The following FAM13C variants were observed in gnomAD, a reference collection of about 807,000 sequenced individuals.
The protein encoded by FAM13C is family with sequence similarity 13 member C.
FAM13C carries 37 observed loss-of-function variants against 73.2 expected under a neutral mutation model. The observed-to-expected ratio is 0.51, with a 90% CI of 0.39 to 0.67. The LOEUF is 0.67. Ranked by LOEUF, FAM13C falls within the 30% of genes least tolerant of loss-of-function variation. The pLI is 0.00. For missense variants in FAM13C, 589 were observed against 715.6 expected (o/e 0.82, Z 2.02); for synonymous variants, 246 against 260.9 (o/e 0.94, Z 0.55).
chr10:59,259,098 A>G (rs532056836), intron 10 of FAM13C, among the ~76,000 whole-genome samples: 12 of 152,316 alleles, frequency 7.9e-5, no homozygotes, highest in African/African-American at 2.9e-4. Context: ...TGATTAATTA[A>G]TTTCCAGTGT....
intron 3 of FAM13C, 120 bp downstream of exon 3, chr10:59,352,150 A>G: frequency 8.9e-7 from 1 of 1,123,222 alleles, no homozygotes; most frequent in Non-Finnish European, 1.3e-6. Context: ...AGAGCACGCA[A>G]TGACAAGTCG....
intron 10 of FAM13C, among the ~76,000 whole-genome samples, chr10:59,259,147 A>C (rs1343071956): frequency 6.6e-6 from 1 of 152,202 alleles, no homozygotes; most frequent in African/African-American, 2.4e-5. Context: ...TTATCTCCAA[A>C]AATCATCCAT....
Position 59,262,534 on chromosome 10 carries a change from G to T in FAM13C, c.1136C>A (p.Ala379Glu), listed in dbSNP as rs200879419. Reference sequence around the variant, plus strand: ...TCCAGAGGAGCTTGGCTCCGGGCCCGCAGCTTCCGGTTTCCCATTTTCTCT... The same window carrying T: ...TCCAGAGGAGCTTGGCTCCGGGCCCTCAGCTTCCGGTTTCCCATTTTCTCT... ...VPRENGKPEA[A>E]GPEPSSSGEE... Residue 379 changes from alanine to glutamate, a missense_variant, in exon 10 of 14, where the codon GCG becomes GAG. By Grantham distance (107) the Ala-to-Glu change is moderately radical. Transcript: ENST00000618804. The T allele has an allele frequency of 1.2e-6, 2 of 1,613,668 alleles. No individual in the cohort carries two copies. The highest frequency in any genetic ancestry group is 1.7e-6 in the Non-Finnish European group (2 of 1,179,792).
chr10:59,321,222 T>A (rs1850203040), intron 4 of FAM13C, among the ~76,000 whole-genome samples: 1 of 151,964 alleles, frequency 6.6e-6, no homozygotes, highest in Non-Finnish European at 1.5e-5. Flanking sequence ...TTCACATGAA[T>A]CCTTAAAATC....
chr10:59,256,795 A>C (rs751070543), intron 10 of FAM13C, among the ~76,000 whole-genome samples: 1 of 152,124 alleles, frequency 6.6e-6, no homozygotes, highest in Non-Finnish European at 1.5e-5. Flanking sequence ...GGATACCCCA[A>C]ATCTAAGGGG....
At chr10:59,277,579 A>G (rs1049200522) in intron 6 of FAM13C, among the ~76,000 whole-genome samples, 6 of 152,210 alleles carry the variant, frequency 3.9e-5, no homozygotes, top group African/African-American at 1.4e-4. Context: ...ACAGGGACCT[A>G]GAGATGGATT....
chr10:59,269,052 G>A (rs751123583), intron 7 of FAM13C, among the ~76,000 whole-genome samples: 22 of 152,118 alleles, frequency 1.4e-4, no homozygotes, highest in Non-Finnish European at 2.1e-4. Context: ...AGATTTAGAT[G>A]AGTGGTTAAC....
intron 2 of FAM13C, 115 bp downstream of exon 2, chr10:59,355,772 G>C: frequency 9.2e-7 from 1 of 1,084,046 alleles, no homozygotes; most frequent in Non-Finnish European, 1.4e-6. Flanking sequence ...GAAGAGATGA[G>C]ACATGAGAAC....
chr10:59,278,462 G>T (rs544052744), intron 6 of FAM13C, among the ~76,000 whole-genome samples: 21 of 152,244 alleles, frequency 1.4e-4, no homozygotes, highest in African/African-American at 4.1e-4. Context: ...TTACAGCAAA[G>T]GTTTCTGAAC....
At chr10:59,253,204 A>G (rs2133377646) in intron 11 of FAM13C, among the ~76,000 whole-genome samples, 1 of 152,338 alleles carries the variant, frequency 6.6e-6, no homozygotes, top group East Asian at 1.9e-4. Context: ...GCAAAAAGGC[A>G]GCAGTCATGC....
At chr10:59,332,237 T>A (rs533694782) in intron 3 of FAM13C, among the ~76,000 whole-genome samples, 1 of 152,166 alleles carries the variant, frequency 6.6e-6, no homozygotes, top group South Asian at 2.1e-4. Flanking sequence ...TGTTTGTATA[T>A]ATATGTGTGT....
intron 3 of FAM13C, among the ~76,000 whole-genome samples, chr10:59,331,663 A>G (rs1852004420): frequency 6.6e-6 from 1 of 152,170 alleles, no homozygotes; most frequent in African/African-American, 2.4e-5. Context: ...GAATCAAAGA[A>G]GGAAGGATAG....
At chr10:59,312,498 T>C (rs1849050280) in intron 4 of FAM13C, among the ~76,000 whole-genome samples, 1 of 152,148 alleles carries the variant, frequency 6.6e-6, no homozygotes, top group Non-Finnish European at 1.5e-5. Flanking sequence ...CAGTATAGTG[T>C]ACAACACACA....
Position 59,262,620 on chromosome 10 carries a change from T to C in FAM13C, c.1050A>G (p.Glu350=). ...GTGGACCTTTGGGAGCACTCCCTTG[T>C]TCTTCTGACAGCTTTAGCTTTAGTT... ...LKELKLKLSE[E]QGSAPKGPPR... The change falls in exon 10 of 14, where the codon GAA becomes GAG. Residue 350 remains glutamate, a synonymous_variant. Coordinates refer to ENST00000618804, the MANE Select transcript of FAM13C (RefSeq NM_198215.4). 1 of 1,613,712 alleles carries C rather than the reference T, an allele frequency of 6.2e-7. No individual in the cohort carries two copies. Among genetic ancestry groups the C allele is most frequent in the Non-Finnish European group, 8.5e-7 (1 of 1,179,704 alleles).
At chr10:59,302,025 CG>C (rs57815391) in intron 5 of FAM13C, among the ~76,000 whole-genome samples, 152,315 of 152,318 alleles carry the variant, frequency 1, 76,156 homozygotes, top group Middle Eastern at 1. Flanking sequence ...AAACAATTTG[CG>C]GTAAAGCCCC....
Position 59,280,124 on chromosome 10 carries a change from C to G in FAM13C, c.592+3239G>C, listed in dbSNP as rs939809956. Among the ~76,000 whole-genome samples, 3 of 152,336 alleles carry G rather than the reference C, an allele frequency of 2.0e-5. No individual in the cohort carries two copies. The South Asian group carries it at 6.2e-4, about 32-fold the overall frequency. ...ACAAAGACTCAGTCTATAACAGCTT[C>G]TGTCTCACAGGTTGTGGTTTGCAAC... is the stretch of plus-strand genomic sequence containing the variant. On this transcript the variant is annotated intron_variant, in intron 6 of 13. Transcript: ENST00000618804.
chr10:59,309,822 C>T (rs147638479), intron 4 of FAM13C, among the ~76,000 whole-genome samples: 1,742 of 152,278 alleles, frequency 0.011, 19 homozygotes, highest in Non-Finnish European at 0.018. Context: ...CCAAGTCTGG[C>T]ATATGACACA....
At chr10:59,287,299 T>C (rs1460649634) in intron 5 of FAM13C, among the ~76,000 whole-genome samples, 49 of 113,940 alleles carry the variant, frequency 4.3e-4, no homozygotes, top group Admixed American at 2.1e-3. Context: ...ATCATGCCAC[T>C]GCACTCTAGC....
chr10:59,252,693 C>T (rs1277870338), intron 12 of FAM13C, 106 bp downstream of exon 12: 7 of 1,084,826 alleles, frequency 6.5e-6, no homozygotes, highest in East Asian at 2.5e-5. Context: ...GAACTGTTGA[C>T]CCACCCCTTT....
Sources: gnomAD v4.1 joint callset for allele counts (sites outside exome capture counted in the v4.1 genomes callset) on GRCh38, gnomAD v4.1.1 for gene constraint, MANE v1.5 for transcripts, NCBI Gene and HGNC (gene_info 2026-07-23, HGNC 2026-07-21) for gene names.